The following GPHN variants were observed in gnomAD, a reference collection of about 807,000 sequenced individuals.
The protein encoded by GPHN is gephyrin.
A neutral mutation model predicts 95.5 loss-of-function variants in GPHN; 17 were observed. That is an observed-to-expected ratio of 0.18 (90% CI 0.12 to 0.27). The LOEUF is 0.27. GPHN is among the 10% of genes least tolerant of loss of function. GPHN has a pLI of 1.00. For missense variants in GPHN, 660 were observed against 978.1 expected, an observed-to-expected ratio of 0.67 and a Z score of 4.34; for synonymous variants, 320 against 322.5, an observed-to-expected ratio of 0.99 and a Z score of 0.08.
At chr14:67,174,640 C>T (rs761169331) in intron 21 of GPHN, among the ~76,000 whole-genome samples, 1 of 152,162 alleles carries the variant, frequency 6.6e-6, no homozygotes, top group African/African-American at 2.4e-5. Context: ...GTTCTAGATC[C>T]TTGAGGAATC....
intron 9 of GPHN, among the ~76,000 whole-genome samples, chr14:67,002,412 T>G (rs1208173417): frequency 1.3e-5 from 2 of 150,948 alleles, no homozygotes; most frequent in Admixed American, 1.3e-4. Flanking sequence ...TTTTTATTTT[T>G]TTTAAATAAC....
At chr14:67,515,742 G>A in the GPHN span, among the ~76,000 whole-genome samples, 2 of 152,338 alleles carry the variant, frequency 1.3e-5, no homozygotes, top group South Asian at 2.1e-4. Flanking sequence ...GACCAGGCGT[G>A]CAACATCCAC....
chr14:67,084,715 C>CT (rs1458032691), intron 11 of GPHN, among the ~76,000 whole-genome samples: 2 of 152,142 alleles, frequency 1.3e-5, no homozygotes, highest in Non-Finnish European at 2.9e-5. Context: ...AGTCAGTGAA[C>CT]TTGTTGGCCT....
At chr14:67,572,575 A>G in the GPHN span, among the ~76,000 whole-genome samples, 1 of 151,900 alleles carries the variant, frequency 6.6e-6, no homozygotes, top group African/African-American at 2.4e-5. Context: ...ACTTTGTTTT[A>G]TCACCTGGAA....
chr14:66,776,586 G>T (rs1465588378), intron 3 of GPHN, 65 bp downstream of exon 3: 1 of 914,338 alleles, frequency 1.1e-6, no homozygotes, highest in Non-Finnish European at 1.8e-6. Context: ...GGGAAGAGTT[G>T]CTTTTTCTTT....
At chr14:66,671,307 T>A (rs117777401) in intron 1 of GPHN, among the ~76,000 whole-genome samples, 2,922 of 152,318 alleles carry the variant, frequency 0.019, 37 homozygotes, top group Middle Eastern at 0.031. Context: ...AGTTCTCAGT[T>A]GTAGAGTTAA....
chr14:66,595,450 T>A (rs1213047880), intron 1 of GPHN, among the ~76,000 whole-genome samples: 1 of 152,202 alleles, frequency 6.6e-6, no homozygotes, highest in East Asian at 1.9e-4. Flanking sequence ...TTGTTCTGCC[T>A]ACTCTGCCTG....
rs142287862 is a variant in GPHN, at chr14:66,922,791, C to G, written c.582C>G (p.Ser194=). ...EDLPSPPPPL[S]PPPTTSPHKQ... ...TGCCTTCCCCACCTCCCCCTCTTTC[C>G]CCTCCTCCTACTACCAGCCCCCATA... Residue 194 remains serine, a synonymous_variant, in exon 7 of 23, where the codon TCC becomes TCG. Coordinates refer to ENST00000478722, the MANE Select transcript of GPHN (RefSeq NM_020806.5). 10 of 1,613,540 alleles carry G rather than the reference C, an allele frequency of 6.2e-6. No individual in the cohort carries two copies. In the African/African-American group the frequency reaches 1.2e-4, roughly 19 times the overall value.
chr14:67,097,552 C>T (rs1460741507), intron 12 of GPHN, among the ~76,000 whole-genome samples: 4 of 151,790 alleles, frequency 2.6e-5, no homozygotes, highest in Non-Finnish European at 5.9e-5. Context: ...TTTGTCTCTC[C>T]CCACCTACAT....
intron 1 of GPHN, among the ~76,000 whole-genome samples, chr14:66,527,214 C>A (rs769884199): frequency 6.6e-6 from 1 of 152,048 alleles, no homozygotes. Flanking sequence ...GTGTATGTGT[C>A]CAGGAATTTA....
chr14:67,363,341 G>A, the GPHN span, among the ~76,000 whole-genome samples: 2 of 151,784 alleles, frequency 1.3e-5, no homozygotes, highest in East Asian at 3.9e-4. Context: ...TCCCTACAAA[G>A]AAATACATCT....
chr14:67,382,183 T>C, the GPHN span, among the ~76,000 whole-genome samples: 3 of 151,994 alleles, frequency 2.0e-5, no homozygotes, highest in Non-Finnish European at 4.4e-5. Context: ...TACACGGAAA[T>C]GATAATTCTT....
chr14:67,140,685 G>GT (rs1239018846), intron 17 of GPHN, among the ~76,000 whole-genome samples: 3 of 152,138 alleles, frequency 2.0e-5, no homozygotes, highest in African/African-American at 7.2e-5. Context: ...TGTTTGGGAT[G>GT]TTTTTTCCAT....
At chr14:67,035,247 T>A (rs1160838631) in intron 10 of GPHN, among the ~76,000 whole-genome samples, 1 of 151,736 alleles carries the variant, frequency 6.6e-6, no homozygotes, top group Non-Finnish European at 1.5e-5. Flanking sequence ...GCAAAAGCAA[T>A]ACTAAGAGAG....
At chr14:67,255,143 A>C in the GPHN span, among the ~76,000 whole-genome samples, 12 of 152,106 alleles carry the variant, frequency 7.9e-5, no homozygotes, top group African/African-American at 2.9e-4. Flanking sequence ...GCGAGACTCC[A>C]TCTCTCAAAA....
chr14:67,066,343 C>G (rs1451046015), intron 11 of GPHN, among the ~76,000 whole-genome samples: 3 of 152,210 alleles, frequency 2.0e-5, no homozygotes, highest in African/African-American at 7.2e-5. Flanking sequence ...TGACCTTTCT[C>G]TCTGGCTGCC....
intron 11 of GPHN, among the ~76,000 whole-genome samples, chr14:67,071,549 G>A (rs985999765): frequency 6.6e-6 from 1 of 151,850 alleles, no homozygotes; most frequent in African/African-American, 2.4e-5. Context: ...GAGTTAATGG[G>A]TGCAGCACAC....
downstream of GPHN, among the ~76,000 whole-genome samples, chr14:67,182,403 A>T (rs2083339300): frequency 1.3e-5 from 2 of 152,216 alleles, no homozygotes; most frequent in South Asian, 4.1e-4. Context: ...CAAACTACAA[A>T]AATTGGCCTA....
At chr14:66,948,401 A>G (rs2067886860) in intron 8 of GPHN, among the ~76,000 whole-genome samples, 1 of 152,198 alleles carries the variant, frequency 6.6e-6, no homozygotes, top group African/African-American at 2.4e-5. Flanking sequence ...CATTATAAAT[A>G]TGAATCATGA....
Sources: allele counts gnomAD v4.1 joint callset (sites outside exome capture counted in the v4.1 genomes callset), GRCh38; gene constraint gnomAD v4.1.1; transcripts MANE v1.5; gene names NCBI Gene and HGNC (gene_info 2026-07-23, HGNC 2026-07-21).